The following FBXL17 variants were observed in gnomAD, a reference collection of about 807,000 sequenced individuals.
FBXL17 encodes the protein F-box and leucine rich repeat protein 17, also known as F-box/LRR-repeat protein 17.
In FBXL17, 22 loss-of-function variants were observed where a neutral mutation model predicts 66.2. That is an observed-to-expected ratio of 0.33 (90% CI 0.24 to 0.47). The LOEUF (loss-of-function observed/expected upper bound fraction) is 0.47, where lower values mean the gene tolerates loss of function less well. FBXL17 is among the 20% of genes least tolerant of loss of function. The pLI is 1.00. For missense variants in FBXL17, 878 were observed against 948.2 expected (o/e 0.93, Z 0.97); for synonymous variants, 474 against 400.5 (o/e 1.18, Z -2.19).
chr5:108,120,087 C>G (rs977216028), intron 6 of FBXL17, among the ~76,000 whole-genome samples: 1 of 152,138 alleles, frequency 6.6e-6, no homozygotes, highest in East Asian at 1.9e-4. Context: ...CTAGGTGAAA[C>G]GAAACTGGCT....
rs368688293 is a variant in FBXL17 at position 108,214,308 on chromosome 5, G to C, written c.1614+9813C>G. 3.2e-4 allele frequency among the ~76,000 whole-genome samples: 48 copies of C among 151,928 alleles called. 1 individual carries two copies. The South Asian group carries it at 9.8e-3, about 31-fold the overall frequency. ...AGGGGGAATTACTGTATATGTCAAA[G>C]AGTAGAATATTTTAATTTTCATAAA... On this transcript the variant is annotated intron_variant, in intron 5 of 8. Coordinates refer to ENST00000542267, the MANE Select transcript of FBXL17 (RefSeq NM_001163315.3).
chr5:108,314,295 A>T (rs1252361587), intron 4 of FBXL17, among the ~76,000 whole-genome samples: 1 of 151,698 alleles, frequency 6.6e-6, no homozygotes, highest in Non-Finnish European at 1.5e-5. Context: ...AAAAACAATC[A>T]TGGTCTTCAC....
intron 7 of FBXL17, among the ~76,000 whole-genome samples, chr5:107,887,766 T>A (rs945505273): frequency 1.3e-5 from 2 of 152,292 alleles, no homozygotes; most frequent in African/African-American, 4.8e-5. Flanking sequence ...CAGGTGCCTA[T>A]TCAAAGTACA....
chr5:107,958,664 T>C (rs1184148566), intron 7 of FBXL17, among the ~76,000 whole-genome samples: 2 of 152,176 alleles, frequency 1.3e-5, no homozygotes, highest in Non-Finnish European at 2.9e-5. Context: ...AACATGTATA[T>C]AGGTGCTCCT....
chr5:107,974,660 G>A (rs989663780), intron 7 of FBXL17, among the ~76,000 whole-genome samples: 8 of 151,930 alleles, frequency 5.3e-5, no homozygotes, highest in Non-Finnish European at 7.4e-5. Context: ...TAGTCTCTTA[G>A]TTGATTATTT....
At chr5:108,012,894 A>T (rs904152314) in intron 7 of FBXL17, among the ~76,000 whole-genome samples, 1 of 152,074 alleles carries the variant, frequency 6.6e-6, no homozygotes, top group East Asian at 1.9e-4. Context: ...ACATGCCTGT[A>T]ATCCCAGCTA....
intron 8 of FBXL17, chr5:107,879,768 G>A (rs1748725528): frequency 1.0e-6 from 1 of 985,304 alleles, no homozygotes; most frequent in African/African-American, 1.7e-5. Context: ...TAGCACACAT[G>A]TGTAAATTAG....
At chr5:107,872,135 C>T (rs116605127) in intron 8 of FBXL17, among the ~76,000 whole-genome samples, 9 of 152,220 alleles carry the variant, frequency 5.9e-5, no homozygotes, top group East Asian at 1.9e-4. Flanking sequence ...TCGGTAAATC[C>T]GTAGATTCAA....
At chr5:108,076,143 G>T (rs1430002107) in intron 6 of FBXL17, among the ~76,000 whole-genome samples, 1 of 152,218 alleles carries the variant, frequency 6.6e-6, no homozygotes, top group Non-Finnish European at 1.5e-5. Context: ...TCACAGTATT[G>T]TTGTGTCTGT....
intron 7 of FBXL17, among the ~76,000 whole-genome samples, chr5:107,995,090 C>T (rs184664269): frequency 6.6e-5 from 10 of 151,968 alleles, no homozygotes; most frequent in South Asian, 2.1e-4. Context: ...CACTGAACTG[C>T]GTACTTATGA....
At chr5:107,984,576 C>CT (rs2112678279) in intron 7 of FBXL17, among the ~76,000 whole-genome samples, 1 of 152,244 alleles carries the variant, frequency 6.6e-6, no homozygotes, top group South Asian at 2.1e-4. Flanking sequence ...TCTCCCTTTA[C>CT]TTGCTCAAAC....
At chr5:108,238,980 C>T (rs901737776) in intron 4 of FBXL17, among the ~76,000 whole-genome samples, 2 of 152,018 alleles carry the variant, frequency 1.3e-5, no homozygotes, top group South Asian at 2.1e-4. Context: ...ACAAATATTA[C>T]TTTTTAAATA....
intron 4 of FBXL17, among the ~76,000 whole-genome samples, chr5:108,325,792 A>G (rs1759821882): frequency 6.6e-6 from 1 of 152,202 alleles, no homozygotes; most frequent in Admixed American, 6.5e-5. Context: ...TCAGAAGTAG[A>G]AACAGAAAAG....
At chr5:107,907,735 C>T (rs1749812447) in intron 7 of FBXL17, among the ~76,000 whole-genome samples, 1 of 152,144 alleles carries the variant, frequency 6.6e-6, no homozygotes, top group Non-Finnish European at 1.5e-5. Flanking sequence ...CAAATCAAAA[C>T]CACAATAAGA....
chr5:107,880,894 G>T, intron 8 of FBXL17, 143 bp downstream of exon 8: 1 of 1,439,022 alleles, frequency 6.9e-7, no homozygotes, highest in Non-Finnish European at 9.1e-7. Flanking sequence ...ACAATGCATA[G>T]CTATAATTGC....
At chr5:108,151,456 C>T (rs1751769555) in intron 6 of FBXL17, among the ~76,000 whole-genome samples, 1 of 152,160 alleles carries the variant, frequency 6.6e-6, no homozygotes, top group African/African-American at 2.4e-5. Flanking sequence ...TCTGTATTTG[C>T]TGTGGATCTT....
At chr5:108,024,093 A>G (rs1247420173) in intron 6 of FBXL17, among the ~76,000 whole-genome samples, 1 of 152,130 alleles carries the variant, frequency 6.6e-6, no homozygotes, top group Non-Finnish European at 1.5e-5. Flanking sequence ...CCTATAGGCA[A>G]AGCTCAGAAT....
chr5:107,964,149 C>T (rs1310047587), intron 7 of FBXL17, among the ~76,000 whole-genome samples: 1 of 152,168 alleles, frequency 6.6e-6, no homozygotes, highest in Non-Finnish European at 1.5e-5. Context: ...TTTTACTTCA[C>T]TTTGTGTAGT....
intron 6 of FBXL17, among the ~76,000 whole-genome samples, chr5:108,172,765 T>A (rs1444854337): frequency 6.6e-6 from 1 of 152,168 alleles, no homozygotes; most frequent in Non-Finnish European, 1.5e-5. Context: ...TTCCATCTAA[T>A]TTGATATTTT....
Sources: gnomAD v4.1 joint callset for allele counts (sites outside exome capture counted in the v4.1 genomes callset) on GRCh38, gnomAD v4.1.1 for gene constraint, MANE v1.5 for transcripts, NCBI Gene and HGNC (gene_info 2026-07-23, HGNC 2026-07-21) for gene names.